Variants in FHIT observed in about 807,000 individuals in gnomAD.
The protein encoded by FHIT is fragile histidine triad diadenosine triphosphatase.
In FHIT, 19 loss-of-function variants were observed where a neutral mutation model predicts 17.9. That is an observed-to-expected ratio of 1.06 (90% CI 0.74 to 1.56). The LOEUF is 1.56. Ranked by LOEUF, FHIT falls within the 40% of genes most tolerant of loss-of-function variation. The probability of loss-of-function intolerance (pLI) is 0.00; values close to 1 mark genes in which losing one functional copy is unlikely to be tolerated. For missense variants in FHIT, 248 were observed against 189.2 expected, an observed-to-expected ratio of 1.31 and a Z score of -1.82; for synonymous variants, 81 against 69.7, an observed-to-expected ratio of 1.16 and a Z score of -0.81.
chr3:60,407,833 T>C (rs1398916229), intron 5 of FHIT, among the ~76,000 whole-genome samples: 2 of 152,204 alleles, frequency 1.3e-5, no homozygotes, highest in African/African-American at 4.8e-5. Context: ...TACATATTTA[T>C]GTGTAAATAA....
intron 2 of FHIT, among the ~76,000 whole-genome samples, chr3:61,056,617 G>A (rs1030131046): frequency 3.3e-5 from 5 of 152,174 alleles, no homozygotes; most frequent in African/African-American, 9.7e-5. Flanking sequence ...AGTGAGCCAT[G>A]TAACACGCCT....
At chr3:60,340,606 A>T (rs143926739) in intron 5 of FHIT, among the ~76,000 whole-genome samples, 52 of 152,370 alleles carry the variant, frequency 3.4e-4, no homozygotes, top group African/African-American at 1.2e-3. Flanking sequence ...AACATGTCAG[A>T]ATATGCAAGA....
At chr3:60,730,433 CT>C in intron 4 of FHIT, 1 of 232,596 alleles carries the variant, frequency 4.3e-6, no homozygotes, top group Admixed American at 4.2e-5. Flanking sequence ...CCACTGGATT[CT>C]TTGTCTCCTT....
intron 4 of FHIT, among the ~76,000 whole-genome samples, chr3:60,538,504 C>G (rs1484762764): frequency 1.3e-5 from 2 of 152,092 alleles, no homozygotes; most frequent in African/African-American, 2.4e-5. Flanking sequence ...GCCAAAAGAA[C>G]AAAGCTGGAG....
chr3:60,603,915 C>T (rs1446481210), intron 4 of FHIT, among the ~76,000 whole-genome samples: 1 of 152,090 alleles, frequency 6.6e-6, no homozygotes, highest in Non-Finnish European at 1.5e-5. Flanking sequence ...CTGCATGCCA[C>T]CATACTTTAT....
At chr3:60,934,340 A>G (rs763705684) in intron 3 of FHIT, among the ~76,000 whole-genome samples, 1 of 152,210 alleles carries the variant, frequency 6.6e-6, no homozygotes, top group Non-Finnish European at 1.5e-5. Context: ...ATTGGAAAGA[A>G]CAAGGGCAGA....
chr3:61,213,084 G>T (rs2039541723), intron 1 of FHIT, among the ~76,000 whole-genome samples: 1 of 152,204 alleles, frequency 6.6e-6, no homozygotes, highest in African/African-American at 2.4e-5. Flanking sequence ...AGGCTAGGAA[G>T]AAACTGCATC....
chr3:60,765,545 T>C (rs1699821261), intron 4 of FHIT: 1 of 152,226 alleles, frequency 6.6e-6, no homozygotes, highest in Non-Finnish European at 1.5e-5. Context: ...TGGGGCTCCA[T>C]GTGATCCAGT....
chr3:60,237,103 C>T (rs969164898), intron 5 of FHIT, among the ~76,000 whole-genome samples: 2 of 152,074 alleles, frequency 1.3e-5, no homozygotes. Flanking sequence ...TTCACTCTTA[C>T]AAATCCTAGA....
At chr3:60,804,364 G>A (rs1701307478) in intron 4 of FHIT, among the ~76,000 whole-genome samples, 1 of 152,140 alleles carries the variant, frequency 6.6e-6, no homozygotes, top group Non-Finnish European at 1.5e-5. Context: ...TCGACCCCCA[G>A]TACTTCCCCT....
At chr3:60,590,073 A>G (rs1553663619) in intron 4 of FHIT, among the ~76,000 whole-genome samples, 2 of 152,064 alleles carry the variant, frequency 1.3e-5, no homozygotes. Context: ...TACTCTTCCA[A>G]GTTTTAAAAA....
intron 4 of FHIT, among the ~76,000 whole-genome samples, chr3:60,581,576 A>G (rs2037750857): frequency 6.6e-6 from 1 of 152,154 alleles, no homozygotes; most frequent in Non-Finnish European, 1.5e-5. Flanking sequence ...TAAGTAAAAC[A>G]TTAGATTCAT....
chr3:61,159,138 T>C (rs751909801), intron 2 of FHIT, among the ~76,000 whole-genome samples: 1 of 152,334 alleles, frequency 6.6e-6, no homozygotes, highest in Non-Finnish European at 1.5e-5. Flanking sequence ...ATAAATAATT[T>C]AAAAATAATT....
intron 4 of FHIT, among the ~76,000 whole-genome samples, chr3:60,542,018 T>C (rs929111993): frequency 6.6e-6 from 1 of 152,230 alleles, no homozygotes; most frequent in South Asian, 2.1e-4. Context: ...CACTTTTTCA[T>C]AATTAATGTA....
chr3:59,978,653 T>A (rs1708518076), intron 7 of FHIT, among the ~76,000 whole-genome samples: 1 of 150,276 alleles, frequency 6.7e-6, no homozygotes, highest in Non-Finnish European at 1.5e-5. Context: ...GAGGGACACT[T>A]TGCAACCTCC....
intron 8 of FHIT, among the ~76,000 whole-genome samples, chr3:59,848,716 C>T (rs918566526): frequency 6.6e-6 from 1 of 152,174 alleles, no homozygotes; most frequent in African/African-American, 2.4e-5. Context: ...TGCCATTCAA[C>T]TTGCTGGCAC....
chr3:60,978,917 G>A (rs1021747588), intron 3 of FHIT, among the ~76,000 whole-genome samples: 3 of 152,112 alleles, frequency 2.0e-5, no homozygotes, highest in Non-Finnish European at 4.4e-5. Flanking sequence ...ATTAAGCCAA[G>A]CATGTCTTCC....
intron 5 of FHIT, among the ~76,000 whole-genome samples, chr3:60,307,887 C>A (rs1344095115): frequency 1.3e-5 from 2 of 152,040 alleles, no homozygotes; most frequent in African/African-American, 4.8e-5. Context: ...TCGGCACACA[C>A]GTGTACTGTG....
At chr3:60,532,304 A>G (rs1236407187) in intron 5 of FHIT, among the ~76,000 whole-genome samples, 2 of 152,208 alleles carry the variant, frequency 1.3e-5, no homozygotes, top group Non-Finnish European at 2.9e-5. Flanking sequence ...AGAACAAATG[A>G]ATAATTTTAT....
Sources: gnomAD v4.1 joint callset for allele counts (sites outside exome capture counted in the v4.1 genomes callset) on GRCh38, gnomAD v4.1.1 for gene constraint, MANE v1.5 for transcripts, NCBI Gene and HGNC (gene_info 2026-07-23, HGNC 2026-07-21) for gene names.